SLAMF9: variants seen among roughly 807,000 people sequenced by gnomAD.
The protein encoded by SLAMF9 is CD2 family member 10.
In SLAMF9, 25 loss-of-function variants were observed where a neutral mutation model predicts 30.4. The ratio of observed to expected loss-of-function variants is 0.82; its 90% CI spans 0.60 to 1.15. The LOEUF is 1.15. Among genes scored for constraint, SLAMF9 ranks in the 50% most tolerant of loss-of-function variants. SLAMF9 has a pLI of 0.00. For missense variants in SLAMF9, 344 were observed against 346.1 expected, an observed-to-expected ratio of 0.99 and a Z score of 0.05; for synonymous variants, 129 against 127.2, an observed-to-expected ratio of 1.01 and a Z score of -0.09.
upstream of SLAMF9, among the ~76,000 whole-genome samples, chr1:159,958,634 T>A (rs563635664): frequency 1.0e-3 from 159 of 152,138 alleles, no homozygotes; most frequent in Middle Eastern, 3.4e-3. Context: ...CTAAGTTTTT[T>A]AATTTTTTTT....
At chr1:159,973,236 G>T in the SLAMF9 span, 1 of 1,063,978 alleles carries the variant, frequency 9.4e-7, no homozygotes, top group Non-Finnish European at 1.4e-6. Flanking sequence ...TCCCTCTTAG[G>T]GCTCAGGAGT....
At position 159,953,293 on chromosome 1, in the gene SLAMF9, C is replaced by T. The variant is rs550943661; in HGVS notation, c.391+16G>A. ...AGCCCCCAAAACCAGCTTTATGGTT[C>T]CCAGCCTAAACTCACGGTAGACACA... On this transcript the variant is annotated intron_variant, in intron 2 of 3. Transcript: ENST00000368093. 1.0e-5 allele frequency: 16 copies of T among 1,581,890 alleles called. No homozygotes were observed. The South Asian group carries it at 1.8e-4, about 18-fold the overall frequency.
chr1:159,960,818 TG>T, the SLAMF9 span, among the ~76,000 whole-genome samples: 1 of 152,030 alleles, frequency 6.6e-6, no homozygotes, highest in Non-Finnish European at 1.5e-5. Context: ...GTATGCAGGT[TG>T]GGGGGGTGCA....
the SLAMF9 span, among the ~76,000 whole-genome samples, chr1:159,975,188 C>T: frequency 6.6e-6 from 1 of 152,186 alleles, no homozygotes. Flanking sequence ...CTTATTCATT[C>T]ATCAATCATT....
the SLAMF9 span, among the ~76,000 whole-genome samples, chr1:159,962,338 A>T: frequency 2.0e-5 from 3 of 151,810 alleles, no homozygotes; most frequent in Non-Finnish European, 4.4e-5. Context: ...TTTATAAGTT[A>T]TGCACTCAAG....
At chr1:159,969,441 T>A in the SLAMF9 span, among the ~76,000 whole-genome samples, 2 of 152,132 alleles carry the variant, frequency 1.3e-5, no homozygotes, top group East Asian at 3.9e-4. Context: ...AAACTCAATA[T>A]GATAAAAAAT....
At chr1:159,982,674 C>T in the SLAMF9 span, among the ~76,000 whole-genome samples, 1 of 152,192 alleles carries the variant, frequency 6.6e-6, no homozygotes, top group Non-Finnish European at 1.5e-5. Flanking sequence ...TAGCATAGTA[C>T]ATCGTGTAAT....
chr1:159,979,669 T>C, the SLAMF9 span, among the ~76,000 whole-genome samples: 1 of 152,288 alleles, frequency 6.6e-6, no homozygotes, highest in Non-Finnish European at 1.5e-5. Flanking sequence ...CTTTTTTTTT[T>C]TTTTCACTTT....
chr1:159,968,238 T>C, the SLAMF9 span, among the ~76,000 whole-genome samples: 1 of 152,324 alleles, frequency 6.6e-6, no homozygotes, highest in Middle Eastern at 3.4e-3. Context: ...TGTGGGCTTG[T>C]TGTATATGGA....
intron 2 of SLAMF9, 38 bp downstream of exon 2, chr1:159,953,271 C>A: frequency 6.5e-7 from 1 of 1,543,132 alleles, no homozygotes; most frequent in Non-Finnish European, 8.8e-7. Context: ...TCAGAAGAGC[C>A]CCCAAAACCA....
rs529974159 is a variant in SLAMF9, at chr1:159,953,833, C to T, written c.47-180G>A. Among the ~76,000 whole-genome samples, 5 of 152,322 alleles carry T rather than the reference C, an allele frequency of 3.3e-5. No homozygotes were observed. The South Asian group carries it at 8.3e-4, about 25-fold the overall frequency. On this transcript the variant is annotated intron_variant, in intron 1 of 3. Transcript: ENST00000368093. ...ATTTCCCCTTTCCCTGAGTTAAGCA[C>T]CTAAAAGGAGTTTGCTTCCATCTGT...
the SLAMF9 span, among the ~76,000 whole-genome samples, chr1:159,964,635 T>A: frequency 6.6e-6 from 1 of 151,972 alleles, no homozygotes; most frequent in Non-Finnish European, 1.5e-5. Flanking sequence ...AAACCAGAGG[T>A]TCGGAGTGGT....
the SLAMF9 span, among the ~76,000 whole-genome samples, chr1:159,975,612 C>T: frequency 3.3e-5 from 5 of 151,898 alleles, no homozygotes; most frequent in Admixed American, 6.6e-5. Context: ...AACTTGCATT[C>T]GAGATCTGAT....
At chr1:159,956,061 T>C (rs1359647459), upstream of SLAMF9, among the ~76,000 whole-genome samples, 1 of 152,222 alleles carries the variant, frequency 6.6e-6, no homozygotes, top group Non-Finnish European at 1.5e-5. Context: ...CCACGCTTAT[T>C]GCAGCACTAT....
In SLAMF9 at chr1:159,951,690, C is replaced by T; in HGVS notation, c.841G>A (p.Glu281Lys). The T allele has an allele frequency of 6.2e-7, 1 of 1,614,200 alleles. No homozygotes were observed. ...LMRNRMKLRK[E>K]AKPGSSPA ...GCAGGGCTGGAGCCAGGCTTTGCCT[C>T]CTTCCTCAATTTCATTCTGTTTCTC... The change falls in exon 4 of 4, where the codon GAG (glutamate) becomes AAG (lysine). Residue 281 changes from glutamate to lysine, a missense_variant. Glu to Lys is a moderately conservative substitution (Grantham distance 56). Coordinates refer to ENST00000368093, the MANE Select transcript of SLAMF9 (RefSeq NM_033438.4).
At position 159,951,768 on chromosome 1, in the gene SLAMF9, A is replaced by C; in HGVS notation, c.763T>G (p.Trp255Gly). Residue 255 changes from tryptophan to glycine, a missense_variant, in exon 4 of 4, where the codon TGG becomes GGG. Transcript: ENST00000368093. ...TGTCTTTTCTGGACTCGGATGACCCAGAGTCCCATGGCCAGAATTACCAAG... is the reference window on the plus strand; with the variant it reads ...TGTCTTTTCTGGACTCGGATGACCCCGAGTCCCATGGCCAGAATTACCAAG... ...LLLVILAMGL[W>G]VIRVQKRHKM... 1 of 1,614,156 alleles carries C rather than the reference A, an allele frequency of 6.2e-7. No individual in the cohort carries two copies. The highest frequency in any genetic ancestry group is 1.6e-4 in the Middle Eastern group (1 of 6,062).
chr1:159,974,659 C>T, the SLAMF9 span, among the ~76,000 whole-genome samples: 1 of 152,188 alleles, frequency 6.6e-6, no homozygotes, highest in African/African-American at 2.4e-5. Context: ...CCCAGCCATG[C>T]AAAGGCCCCG....
chr1:159,978,296 G>A, the SLAMF9 span, among the ~76,000 whole-genome samples: 2 of 152,034 alleles, frequency 1.3e-5, no homozygotes, highest in African/African-American at 4.8e-5. Context: ...GGCAGGCGAG[G>A]GGAACTTCAT....
At position 159,952,408 on chromosome 1, in the gene SLAMF9, C is replaced by T. The variant is rs1038112700; in HGVS notation, c.518G>A (p.Gly173Glu). 11 of 1,613,944 alleles carry T rather than the reference C, an allele frequency of 6.8e-6. No individual in the cohort carries two copies. The highest frequency in any genetic ancestry group is 9.3e-6 in the Non-Finnish European group (11 of 1,180,010). The change falls in exon 3 of 4, where the codon GGG (glycine) becomes GAG (glutamate). Residue 173 changes from glycine (G) to glutamate (E), a missense_variant. Gly to Glu is a moderately conservative substitution (Grantham distance 98). Transcript: ENST00000368093. ...TTCATGGAATGTATAAGTGCTATCC[C>T]CCCGGGAGAGCCAGCTGTAGGTCAT... ...MDMTYSWLSR[G>E]DSTYTFHEGP...
Sources: allele counts gnomAD v4.1 joint callset (sites outside exome capture counted in the v4.1 genomes callset), GRCh38; gene constraint gnomAD v4.1.1; transcripts MANE v1.5; gene names NCBI Gene and HGNC (gene_info 2026-07-23, HGNC 2026-07-21).